DMBT1: variants seen among roughly 807,000 people sequenced by gnomAD.
DMBT1 encodes the protein deleted in malignant brain tumors 1, also known as scavenger receptor cysteine-rich domain-containing protein DMBT1.
DMBT1 carries 198 observed loss-of-function variants against 252.9 expected under a neutral mutation model. The ratio of observed to expected loss-of-function variants is 0.78; its 90% CI spans 0.70 to 0.88. The LOEUF (loss-of-function observed/expected upper bound fraction) is 0.88, where lower values mean the gene tolerates loss of function less well. Ranked by LOEUF, DMBT1 falls within the 40% of genes least tolerant of loss-of-function variation. The pLI, the probability that DMBT1 is intolerant of heterozygous loss-of-function variation, is 0.00. For missense variants in DMBT1, 2,432 were observed against 2,404.7 expected, an observed-to-expected ratio of 1.01 and a Z score of -0.24; for synonymous variants, 990 against 942.7, an observed-to-expected ratio of 1.05 and a Z score of -0.92.
chr10:122,636,273 T>C (rs2133690836), intron 53 of DMBT1, 74 bp downstream of exon 53: 1 of 1,343,724 alleles, frequency 7.4e-7, no homozygotes, highest in African/African-American at 1.5e-5. Context: ...ACTGTCCTGT[T>C]GTTGTGAAAT....
At chr10:122,635,880 T>A (rs1566019411) in intron 52 of DMBT1, 111 bp from the exon 53 acceptor site, 1 of 1,171,716 alleles carries the variant, frequency 8.5e-7, no homozygotes, top group African/African-American at 1.5e-5. Flanking sequence ...CTTTCATCGA[T>A]GAACTTTGTC....
At chr10:122,589,954 A>G (rs1565728636) in intron 17 of DMBT1, among the ~76,000 whole-genome samples, 1 of 148,510 alleles carries the variant, frequency 6.7e-6, no homozygotes, top group Non-Finnish European at 1.5e-5. Context: ...CATCCAATCT[A>G]TAGCACACTG....
Position 122,616,824 on chromosome 10 carries a change from A to G in DMBT1, c.4859-404A>G, listed in dbSNP as rs551967679. On this transcript the variant is annotated intron_variant, in intron 39 of 55. Coordinates refer to ENST00000338354, the MANE Select transcript of DMBT1 (RefSeq NM_001377530.1). ...AGGGAAAGGGATAATAAAGGTTTGT[A>G]GTGTCTCTGCTTAGCCAGAAACCTG... is the stretch of plus-strand genomic sequence containing the variant. Among the ~76,000 whole-genome samples the G allele has an allele frequency of 7.1e-3, 324 of 45,596 alleles. 16 individuals carry two copies. Among genetic ancestry groups the G allele is most frequent in the African/African-American group, 0.033 (308 of 9,358 alleles). The allele number at this position is 45,596 out of a possible 152,430, so 29.9% of individuals were successfully genotyped here.
rs948645741 is a variant in DMBT1, at chr10:122,598,473, C to T, written c.2957-301C>T. Among the ~76,000 whole-genome samples, 16 of 152,306 alleles carry T rather than the reference C, an allele frequency of 1.1e-4. 1 individual carries two copies. The East Asian group carries it at 1.5e-3, about 15-fold the overall frequency. On this transcript the variant is annotated intron_variant, in intron 25 of 55. Transcript: ENST00000338354. Reference sequence around the variant, plus strand: ...AGATGGGGAGAGTCTGGCCTGCCTACTGTAGCTGTGTAGCTCTGTCCTGTG... The same window carrying T: ...AGATGGGGAGAGTCTGGCCTGCCTATTGTAGCTGTGTAGCTCTGTCCTGTG...
intron 54 of DMBT1, among the ~76,000 whole-genome samples, chr10:122,638,000 G>A (rs1343671614): frequency 2.0e-5 from 3 of 152,298 alleles, no homozygotes; most frequent in East Asian, 3.9e-4. Flanking sequence ...CCCTACCACC[G>A]ATTTCTGTGG....
Position 122,617,471 on chromosome 10 carries a change from C to T in DMBT1, c.4891+211C>T, listed in dbSNP as rs76156960. Among the ~76,000 whole-genome samples, 909 of 151,540 alleles carry T rather than the reference C, an allele frequency of 6.0e-3. 37 individuals are homozygous for T. The highest frequency in any genetic ancestry group is 0.021 in the African/African-American group (865 of 41,126). On this transcript the variant is annotated intron_variant, in intron 40 of 55. Transcript: ENST00000338354. ...GACTGTCTCTCATGGGACCCTGTTC[C>T]AAGTGTTCAGGAACGATCCTCATCC...
In DMBT1 at chr10:122,631,748, C is replaced by T. The variant is rs113179914; in HGVS notation, c.6347-107C>T. On this transcript the variant is annotated intron_variant, in intron 49 of 55. Transcript: ENST00000338354. ...GCTGGGTGGACCTGGGGACCCTCGC[C>T]GAGGGGGGTCAGGTTATGGGCCATG... The T allele has an allele frequency of 1.6e-4, 211 of 1,290,804 alleles. 1 individual carries two copies. The African/African-American group carries it at 2.1e-3, about 13-fold the overall frequency. 80.0% of individuals were successfully genotyped at this position (1,290,804 alleles called of 1,614,324 possible).
At chr10:122,619,620 C>A in intron 42 of DMBT1, among the ~76,000 whole-genome samples, 1 of 152,212 alleles carries the variant, frequency 6.6e-6, no homozygotes, top group East Asian at 1.9e-4. Context: ...GTTTAATGAG[C>A]TTTAGCTCAT....
At chr10:122,587,281 AG>A (rs2097798556) in intron 16 of DMBT1, among the ~76,000 whole-genome samples, 1 of 148,334 alleles carries the variant, frequency 6.7e-6, no homozygotes, top group Admixed American at 6.7e-5. Flanking sequence ...CTGGGAAGGG[AG>A]GGTTTTCTGC....
At chr10:122,570,141 T>C (rs2097647780) in intron 2 of DMBT1, 21 bp from the exon 3 acceptor site, 8 of 1,586,136 alleles carry the variant, frequency 5.0e-6, no homozygotes, top group Non-Finnish European at 6.9e-6. Flanking sequence ...ATCAATGAGC[T>C]CTTCCTTTTC....
chr10:122,588,725 G>A (rs2097818845), intron 16 of DMBT1, among the ~76,000 whole-genome samples: 1 of 148,960 alleles, frequency 6.7e-6, no homozygotes, highest in Admixed American at 6.7e-5. Flanking sequence ...GGGGTCACAG[G>A]TGCTTCCCCA....
chr10:122,618,325 G>T lies in DMBT1; in HGVS notation c.5200G>T (p.Gly1734Cys). 1 of 1,613,824 alleles carries T rather than the reference G, an allele frequency of 6.2e-7. No homozygotes were observed. Among genetic ancestry groups the T allele is most frequent in the African/African-American group, 1.3e-5 (1 of 75,040 alleles). ...SHNCGHHEDA[G>C]VICSAAQSQS... ...CAACTGTGGCCATCATGAAGATGCTGGTGTCATCTGCTCAGGTGGGCTTTC... is the reference window on the plus strand; with the variant it reads ...CAACTGTGGCCATCATGAAGATGCTTGTGTCATCTGCTCAGGTGGGCTTTC... The change falls in exon 41 of 56, where the codon GGT becomes TGT. Residue 1734 changes from glycine (G) to cysteine (C), a missense_variant. Gly to Cys is a radical substitution (Grantham distance 159). This residue lies in a region of DMBT1 where 1,162 missense variants were observed against 1,169.0 expected (regional missense o/e 0.99). Transcript: ENST00000338354.
intron 41 of DMBT1, 88 bp downstream of exon 41, chr10:122,618,428 A>C (rs1405371134): frequency 6.3e-7 from 1 of 1,594,176 alleles, no homozygotes; most frequent in South Asian, 1.1e-5. Flanking sequence ...TCCTCACTCA[A>C]AGCTTTTTCT....
In DMBT1 at chr10:122,643,621, CCA is replaced by C; in HGVS notation, c.*224_*225del. 1.6e-6 allele frequency: 1 copy of C among 611,622 alleles called. No individual in the cohort carries two copies. Among genetic ancestry groups the C allele is most frequent in the Non-Finnish European group, 2.8e-6 (1 of 356,808 alleles). The allele number at this position is 611,622 out of a possible 1,614,324, so 37.9% of individuals were successfully genotyped here. ...TCAAGAGAGTTCTGACCTGGATGGC[CCA>C]TAGACCTGACGTCCCAGAATCCATG... is the stretch of plus-strand genomic sequence containing the variant. On this transcript the variant is annotated 3_prime_UTR_variant, in exon 56 of 56. Transcript: ENST00000338354.
At position 122,640,254 on chromosome 10, in the gene DMBT1, T is replaced by G; in HGVS notation, c.7157T>G (p.Ile2386Ser). The change falls in exon 55 of 56, where the codon ATT becomes AGT. Residue 2386 changes from isoleucine to serine, a missense_variant. Ile to Ser is a moderately radical substitution (Grantham distance 142). Around this residue, in one of 3 missense-constraint regions of DMBT1, gnomAD observed 1,162 missense variants for 1,169.0 expected, o/e 0.99. Coordinates refer to ENST00000338354, the MANE Select transcript of DMBT1 (RefSeq NM_001377530.1). ...EVQYGNFDVN[I>S]SFYTSSSFLY... is the part of the protein sequence containing the mutation. ...CAGTATGGCAATTTTGACGTGAACA[T>G]TTCCTTTTATACTTCCTCATCTTTC... 1 of 1,614,052 alleles carries G rather than the reference T, an allele frequency of 6.2e-7. No individual in the cohort carries two copies. Among genetic ancestry groups the G allele is most frequent in the Non-Finnish European group, 8.5e-7 (1 of 1,179,904 alleles).
intron 51 of DMBT1, 82 bp downstream of exon 51, chr10:122,632,972 G>A (rs1358110141): frequency 1.9e-6 from 3 of 1,592,302 alleles, no homozygotes; most frequent in Admixed American, 1.7e-5. Flanking sequence ...CAATGGGGCT[G>A]GGGAGGAGAT....
At chr10:122,598,354 G>A (rs1167276809) in intron 25 of DMBT1, among the ~76,000 whole-genome samples, 3 of 152,172 alleles carry the variant, frequency 2.0e-5, no homozygotes, top group Non-Finnish European at 4.4e-5. Context: ...GTCGGTGGAA[G>A]TGACTGTCCC....
chr10:122,562,323 G>A (rs1214625610), intron 1 of DMBT1, among the ~76,000 whole-genome samples: 1 of 152,148 alleles, frequency 6.6e-6, no homozygotes, highest in Admixed American at 6.5e-5. Flanking sequence ...AGTGGGGGAA[G>A]CTTTGAAGAT....
At chr10:122,622,268 G>A (rs570921759) in intron 44 of DMBT1, among the ~76,000 whole-genome samples, 9 of 152,254 alleles carry the variant, frequency 5.9e-5, no homozygotes, top group East Asian at 5.8e-4. Context: ...GCCTCTGGCC[G>A]CTCCCTACCT....
Sources: gnomAD v4.1 joint callset for allele counts (sites outside exome capture counted in the v4.1 genomes callset) on GRCh38, gnomAD v4.1.1 for gene constraint, gnomAD v4.1.1 regional missense constraint, MANE v1.5 for transcripts, NCBI Gene and HGNC (gene_info 2026-07-23, HGNC 2026-07-21) for gene names.